TLE7: variants seen among roughly 807,000 people sequenced by gnomAD.
TLE7 encodes TLE family member 7.
intron 1 of TLE7, among the ~76,000 whole-genome samples, chr16:71,440,520 G>A (rs2042843155): frequency 2.6e-5 from 4 of 152,178 alleles, no homozygotes; most frequent in African/African-American, 2.4e-5. Context: ...TTCATGTTAT[G>A]TGTATTTTAC....
chr16:71,433,526 T>C (rs2042815477), intron 1 of TLE7, 106 bp from the exon 2 acceptor site: 2 of 393,260 alleles, frequency 5.1e-6, no homozygotes, highest in Non-Finnish European at 9.0e-6. Flanking sequence ...AAAAGAGTGG[T>C]TGCCAACTAG....
At chr16:71,440,479 A>G (rs1455229452) in intron 1 of TLE7, among the ~76,000 whole-genome samples, 1 of 127,618 alleles carries the variant, frequency 7.8e-6, no homozygotes, top group Non-Finnish European at 1.6e-5. Flanking sequence ...CTGCGCCTCA[A>G]AAGAAAAAAA....
rs78533841 is a variant in TLE7, at chr16:71,436,292, G to T, written c.-96-2872C>A. ...CACACCCAGGTGCTGCCCCTATCCT[G>T]CGGTGCTGCTGCTTTTAAACGTGAG... On this transcript the variant is annotated intron_variant, in intron 1 of 9. Coordinates refer to ENST00000561754, the MANE Select transcript of TLE7 (RefSeq NM_001367365.2). Among the ~76,000 whole-genome samples, 1,083 of 152,242 alleles carry T rather than the reference G, an allele frequency of 7.1e-3. 21 individuals carry two copies. Among genetic ancestry groups the T allele is most frequent in the African/African-American group, 0.025 (1,041 of 41,540 alleles).
intron 1 of TLE7, among the ~76,000 whole-genome samples, chr16:71,435,305 G>A (rs2042821942): frequency 6.6e-6 from 1 of 152,176 alleles, no homozygotes; most frequent in South Asian, 2.1e-4. Flanking sequence ...CAGCTACTCA[G>A]GAGGCTGAGG....
Position 71,434,257 on chromosome 16 carries a change from G to T in TLE7, c.-96-837C>A, listed in dbSNP as rs138832620. On this transcript the variant is annotated intron_variant, in intron 1 of 9. Coordinates refer to ENST00000561754, the MANE Select transcript of TLE7 (RefSeq NM_001367365.2). Reference sequence around the variant, plus strand: ...TACTCGGCATTGTACAAGGCTAGTGGTAAACAATCAATAGAAGATAGTACA... The same window carrying T: ...TACTCGGCATTGTACAAGGCTAGTGTTAAACAATCAATAGAAGATAGTACA... 7.1e-3 allele frequency among the ~76,000 whole-genome samples: 1,080 copies of T among 152,276 alleles called. 21 individuals are homozygous for T. The highest frequency in any genetic ancestry group is 0.025 in the African/African-American group (1,037 of 41,548).
At chr16:71,440,617 CA>C (rs2042843517) in intron 1 of TLE7, among the ~76,000 whole-genome samples, 1 of 152,242 alleles carries the variant, frequency 6.6e-6, no homozygotes, top group Admixed American at 6.5e-5. Context: ...CTTTAGCCAG[CA>C]AACTCCAGGC....
In TLE7 at chr16:71,432,227, C is replaced by A. The variant is rs1305451827; in HGVS notation, c.492G>T (p.Val164=). ...CGTGGTGGGTTGAGCCGCTGATGGC[C>A]ACAGCGTAGACTCTCTTTCCATGGA... ...TLFHGKRVYA[V]AISGSTHHVY... The change falls in exon 5 of 10, where the codon GTG becomes GTT. Residue 164 remains valine, a synonymous_variant. Transcript: ENST00000561754. 5.0e-6 allele frequency: 2 copies of A among 400,756 alleles called. No homozygotes were observed. Among genetic ancestry groups the A allele is most frequent in the South Asian group, 1.3e-4 (1 of 7,960 alleles). The allele number at this position is 400,756 out of a possible 1,614,324, so 24.8% of individuals were successfully genotyped here.
chr16:71,435,179 G>A (rs979393296), intron 1 of TLE7, among the ~76,000 whole-genome samples: 1 of 152,190 alleles, frequency 6.6e-6, no homozygotes, highest in South Asian at 2.1e-4. Context: ...TTGGGAGGCC[G>A]AGGCAGGCAG....
At position 71,431,868 on chromosome 16, in the gene TLE7, C is replaced by G. The variant is rs1372936763; in HGVS notation, c.744G>C (p.Thr248=). 1.2e-5 allele frequency: 5 copies of G among 400,636 alleles called. No homozygotes were observed. Among genetic ancestry groups the G allele is most frequent in the Non-Finnish European group, 2.2e-5 (5 of 226,280 alleles). The allele number at this position is 400,636 out of a possible 1,614,324, so 24.8% of individuals were successfully genotyped here. The change falls in exon 6 of 10, where the codon ACG becomes ACC. Residue 248 remains threonine, a synonymous_variant. Coordinates refer to ENST00000561754, the MANE Select transcript of TLE7 (RefSeq NM_001367365.2). This position sits in a 1 kb window ranked among gnomAD's most constrained non-coding sequence, Gnocchi z 4.5. ...CAGCCAGAGAATAGCACGTGGGGCC[C>G]GTCGAGGTCAGCTGTGCCCTGACCT... ...TPQVRAQLTS[T]GPTCYSLAVS...
rs1238989696 is a variant in TLE7 at position 71,431,941 on chromosome 16, C to G, written c.671G>C (p.Gly224Ala). The G allele has an allele frequency of 2.5e-6, 1 of 400,670 alleles. No individual in the cohort carries two copies. The highest frequency in any genetic ancestry group is 2.1e-5 in the African/African-American group (1 of 48,654). 24.8% of individuals were successfully genotyped at this position (400,670 alleles called of 1,614,324 possible). A position where few individuals can be genotyped will look rare whatever the true frequency, so the allele number is the denominator to read the frequency against. The change falls in exon 6 of 10, where the codon GGG becomes GCG. Residue 224 changes from glycine (G) to alanine (A), a missense_variant. Coordinates refer to ENST00000561754, the MANE Select transcript of TLE7 (RefSeq NM_001367365.2). This position sits in a 1 kb window ranked among gnomAD's most constrained non-coding sequence, Gnocchi z 4.5. ...LFPDERSLIT[G>A]GASQAVTLWD... ...GAGAGTCACGGCCTGGGACGCACCC[C>G]CTGTGATCAGGCTCCGCTCATCAGG...
intron 1 of TLE7, among the ~76,000 whole-genome samples, chr16:71,434,992 T>C (rs7188858): frequency 0.34 from 52,380 of 152,186 alleles, 10,636 homozygotes; most frequent in African/African-American, 0.56. Context: ...AGAGCCAAGA[T>C]TGCACCACTG....
At chr16:71,439,980 C>CA (rs2067790561) in intron 1 of TLE7, among the ~76,000 whole-genome samples, 1 of 152,134 alleles carries the variant, frequency 6.6e-6, no homozygotes, top group African/African-American at 2.4e-5. Context: ...AAGAATGGAT[C>CA]AAAATGTGGT....
chr16:71,431,245 T>C lies in TLE7; in HGVS notation c.1023A>G (p.Glu341=). ...TTCTCAGGCCCGCCAATACCCATTC[T>C]TCACCGGGGTCGTGGGTAATGCTGA... The part of the protein sequence containing the change: ...EILSITHDPG[E]EWVLAGLRTS... The change falls in exon 8 of 10, where the codon GAA becomes GAG. Residue 341 remains glutamate (E), a synonymous_variant. Coordinates refer to ENST00000561754, the MANE Select transcript of TLE7 (RefSeq NM_001367365.2). The surrounding 1 kb of genome is among the most constrained non-coding windows in gnomAD (Gnocchi z 4.5). 2.5e-6 allele frequency: 1 copy of C among 400,306 alleles called. No homozygotes were observed. The highest frequency in any genetic ancestry group is 3.6e-5 in the East Asian group (1 of 28,080). 24.8% of individuals were successfully genotyped at this position (400,306 alleles called of 1,614,324 possible).
intron 1 of TLE7, among the ~76,000 whole-genome samples, chr16:71,435,349 T>C (rs577592622): frequency 6.6e-6 from 1 of 152,240 alleles, no homozygotes; most frequent in South Asian, 2.1e-4. Flanking sequence ...AGGCGGAGGT[T>C]GCAGTGAGCC....
In TLE7 at chr16:71,430,711, C is replaced by T. The variant is rs536508481; in HGVS notation, c.1178G>A (p.Arg393His). Reference sequence around the variant, plus strand: ...AGAAGGTGCCTCCAAGCCACTGAGGCGCGTATCTATCGCGGTCACAAAATA... The same window carrying T: ...AGAAGGTGCCTCCAAGCCACTGAGGTGCGTATCTATCGCGGTCACAAAATA... ...GSYFVTAIDT[R>H]LSGLEAPSLQ... The change falls in exon 9 of 10, where the codon CGC becomes CAC. Residue 393 changes from arginine to histidine, a missense_variant. Coordinates refer to ENST00000561754, the MANE Select transcript of TLE7 (RefSeq NM_001367365.2). 1.8e-5 allele frequency: 7 copies of T among 398,594 alleles called. No individual in the cohort carries two copies. The highest frequency in any genetic ancestry group is 1.4e-4 in the East Asian group (4 of 28,064). The allele number at this position is 398,594 out of a possible 1,614,324, so 24.7% of individuals were successfully genotyped here.
intron 1 of TLE7, among the ~76,000 whole-genome samples, chr16:71,439,223 T>C (rs1340972223): frequency 6.6e-6 from 1 of 152,040 alleles, no homozygotes; most frequent in Admixed American, 6.5e-5. Context: ...GTGGGGTGTG[T>C]GAGCCCAGAG....
chr16:71,437,986 T>G (rs1311702790), intron 1 of TLE7, among the ~76,000 whole-genome samples: 1 of 152,162 alleles, frequency 6.6e-6, no homozygotes, highest in Non-Finnish European at 1.5e-5. Flanking sequence ...CCAAGAGTCT[T>G]GGATCTCACG....
At chr16:71,438,573 C>T (rs1257451879) in intron 1 of TLE7, among the ~76,000 whole-genome samples, 6 of 147,962 alleles carry the variant, frequency 4.1e-5, no homozygotes, top group Admixed American at 6.8e-5. Flanking sequence ...CCCAGCTATT[C>T]GGGAGGCTGA....
intron 1 of TLE7, among the ~76,000 whole-genome samples, chr16:71,441,091 C>T (rs930805361): frequency 2.0e-5 from 3 of 152,254 alleles, no homozygotes; most frequent in African/African-American, 7.2e-5. Context: ...CTGGGTCCAT[C>T]TCTTATCTCC....
Sources: allele counts gnomAD v4.1 joint callset (sites outside exome capture counted in the v4.1 genomes callset), GRCh38; gene constraint gnomAD v4.1.1; non-coding constraint Gnocchi (gnomAD v3.1); transcripts MANE v1.5; gene names NCBI Gene and HGNC (gene_info 2026-07-23, HGNC 2026-07-21).